AUTS2: variants seen among roughly 807,000 people sequenced by gnomAD.
AUTS2 encodes activator of transcription and developmental regulator AUTS2, also known as autism susceptibility gene 2 protein.
AUTS2 carries 17 observed loss-of-function variants against 112.4 expected under a neutral mutation model. The observed-to-expected ratio is 0.15, with a 90% CI of 0.10 to 0.23. The LOEUF (loss-of-function observed/expected upper bound fraction) is 0.23, where lower values mean the gene tolerates loss of function less well. AUTS2 is among the 10% of genes least tolerant of loss of function. The pLI, the probability that AUTS2 is intolerant of heterozygous loss-of-function variation, is 1.00. For synonymous variants in AUTS2, 751 were observed against 702.7 expected, an observed-to-expected ratio of 1.07 and a Z score of -1.09; for missense variants, 1,510 against 1,701.6, an observed-to-expected ratio of 0.89 and a Z score of 1.98.
intron 4 of AUTS2, among the ~76,000 whole-genome samples, chr7:70,241,993 G>C (rs1244788032): frequency 1.3e-5 from 2 of 152,152 alleles, no homozygotes; most frequent in Non-Finnish European, 2.9e-5. Flanking sequence ...AAAACAACCT[G>C]TTCAGTTTGG....
chr7:70,287,439 G>A (rs1446900156), intron 4 of AUTS2, among the ~76,000 whole-genome samples: 1 of 152,170 alleles, frequency 6.6e-6, no homozygotes, highest in East Asian at 1.9e-4. Context: ...AATGCCAGCT[G>A]AGCAAAAGCC....
chr7:70,697,325 G>C (rs1809171869), intron 5 of AUTS2, among the ~76,000 whole-genome samples: 1 of 152,064 alleles, frequency 6.6e-6, no homozygotes, highest in East Asian at 1.9e-4. Context: ...TTCTGGATTG[G>C]TTAATCATAT....
At chr7:70,636,739 T>G (rs539040383) in intron 5 of AUTS2, among the ~76,000 whole-genome samples, 1 of 151,814 alleles carries the variant, frequency 6.6e-6, no homozygotes, top group South Asian at 2.1e-4. Flanking sequence ...CTCAAACTCC[T>G]GGGCTCAAGG....
chr7:70,057,110 A>C (rs940192929), intron 2 of AUTS2, among the ~76,000 whole-genome samples: 3 of 152,092 alleles, frequency 2.0e-5, no homozygotes, highest in Non-Finnish European at 4.4e-5. Flanking sequence ...CTTTGGGCTG[A>C]TATTGTGGCT....
In AUTS2 at chr7:70,189,335, A is replaced by G. The variant is rs143955800; in HGVS notation, c.660+54764A>G. On this transcript the variant is annotated intron_variant, in intron 4 of 18. Coordinates refer to ENST00000342771, the MANE Select transcript of AUTS2 (RefSeq NM_015570.4). ...GTTTTTTTTACTGTGGATAAGCCCA[A>G]CTCCCTACTGTGGCATTGAATCTTG... Among the ~76,000 whole-genome samples, 218 of 152,296 alleles carry G rather than the reference A, an allele frequency of 1.4e-3. 1 individual carries two copies. Among genetic ancestry groups the G allele is most frequent in the Admixed American group, 2.7e-3 (42 of 15,300 alleles).
At position 70,694,732 on chromosome 7, in the gene AUTS2, C is replaced by A. The variant is rs1388665648; in HGVS notation, c.691-3837C>A. The A allele has an allele frequency of 3.4e-5, 5 of 148,310 alleles. No individual in the cohort carries two copies. Among genetic ancestry groups the A allele is most frequent in the Non-Finnish European group, 7.5e-5 (5 of 66,272 alleles). 9.2% of individuals were successfully genotyped at this position (148,310 alleles called of 1,614,324 possible). A position where few individuals can be genotyped will look rare whatever the true frequency, so the allele number is the denominator to read the frequency against. ...GAGACAGTGGCGAGCGCGGGCCGGGCGATCTCGGCGGGCGCGCTCCTCCCG... is the reference window on the plus strand; with the variant it reads ...GAGACAGTGGCGAGCGCGGGCCGGGAGATCTCGGCGGGCGCGCTCCTCCCG... On this transcript the variant is annotated intron_variant, in intron 5 of 18. Coordinates refer to ENST00000342771, the MANE Select transcript of AUTS2 (RefSeq NM_015570.4). The surrounding 1 kb of genome is among the most constrained non-coding windows in gnomAD (Gnocchi z 4.1).
chr7:69,891,506 GT>G (rs1055332422), intron 1 of AUTS2, among the ~76,000 whole-genome samples: 9 of 152,086 alleles, frequency 5.9e-5, no homozygotes, highest in African/African-American at 2.2e-4. Flanking sequence ...GAGTAGAACG[GT>G]TGGATCATAT....
intron 2 of AUTS2, among the ~76,000 whole-genome samples, chr7:69,978,170 T>C (rs933503056): frequency 3.3e-5 from 5 of 152,218 alleles, no homozygotes; most frequent in African/African-American, 1.2e-4. Flanking sequence ...AGTCACACTT[T>C]GCTATAGAGG....
At chr7:70,165,577 G>T (rs1393949043) in intron 4 of AUTS2, among the ~76,000 whole-genome samples, 1 of 152,002 alleles carries the variant, frequency 6.6e-6, no homozygotes, top group African/African-American at 2.4e-5. Flanking sequence ...AAAACGGAAA[G>T]TAAATTAAGT....
At position 70,790,003 on chromosome 7, in the gene AUTS2, G is replaced by T. The variant is rs748280767; in HGVS notation, c.2787G>T (p.Ala929=). 3 of 1,598,250 alleles carry T rather than the reference G, an allele frequency of 1.9e-6. No homozygotes were observed. Among genetic ancestry groups the T allele is most frequent in the Non-Finnish European group, 2.6e-6 (3 of 1,172,888 alleles). ...KDGHGHEGRA[A]GEEAKQLARV... ...GGCACGGCCACGAGGGGCGCGCCGC[G>T]GGCGAAGAGGCCAAGCAGCTGGCCC... The change falls in exon 19 of 19, where the codon GCG becomes GCT. Residue 929 remains alanine (A), a synonymous_variant. Coordinates refer to ENST00000342771, the MANE Select transcript of AUTS2 (RefSeq NM_015570.4). This position sits in a 1 kb window ranked among gnomAD's most constrained non-coding sequence, Gnocchi z 7.6.
chr7:69,788,955 ACAG>A (rs1789498525), intron 1 of AUTS2, among the ~76,000 whole-genome samples: 1 of 152,124 alleles, frequency 6.6e-6, no homozygotes, highest in Non-Finnish European at 1.5e-5. Flanking sequence ...TTTTCCAACA[ACAG>A]GAAACATATC....
At chr7:70,290,750 G>T (rs758094419) in intron 4 of AUTS2, 36 of 908,840 alleles carry the variant, frequency 4.0e-5, no homozygotes, top group Non-Finnish European at 5.1e-5. Context: ...AGCTATGACT[G>T]TAACGTTTCT....
intron 6 of AUTS2, among the ~76,000 whole-genome samples, chr7:70,743,032 AT>A (rs1788209391): frequency 6.6e-6 from 1 of 152,234 alleles, no homozygotes; most frequent in Non-Finnish European, 1.5e-5. Context: ...GCAAAATTGT[AT>A]CATAGAAGGA....
intron 4 of AUTS2, among the ~76,000 whole-genome samples, chr7:70,251,100 T>C (rs1786571071): frequency 6.6e-6 from 1 of 152,148 alleles, no homozygotes; most frequent in African/African-American, 2.4e-5. Flanking sequence ...AGTCTCACTC[T>C]GTCGCTTGGG....
intron 1 of AUTS2, among the ~76,000 whole-genome samples, chr7:69,669,172 C>T (rs578194462): frequency 6.6e-6 from 1 of 152,124 alleles, no homozygotes; most frequent in Non-Finnish European, 1.5e-5. Context: ...TCAAAAATAC[C>T]TAAATAGCAC....
intron 1 of AUTS2, among the ~76,000 whole-genome samples, chr7:69,666,342 A>G (rs1256223085): frequency 6.6e-6 from 1 of 152,202 alleles, no homozygotes; most frequent in Non-Finnish European, 1.5e-5. Context: ...CTTACCCTGG[A>G]AATTCGAATC....
At chr7:70,129,753 G>A (rs527878977) in intron 3 of AUTS2, among the ~76,000 whole-genome samples, 5 of 152,290 alleles carry the variant, frequency 3.3e-5, no homozygotes, top group South Asian at 2.1e-4. Flanking sequence ...ACAACCTGAC[G>A]TGGGCATAAC....
intron 2 of AUTS2, among the ~76,000 whole-genome samples, chr7:70,026,716 T>C (rs957213218): frequency 6.6e-6 from 1 of 152,170 alleles, no homozygotes; most frequent in African/African-American, 2.4e-5. Flanking sequence ...TTGAAGGAAA[T>C]AGACATTAAT....
chr7:69,741,700 G>C (rs538396425), intron 1 of AUTS2, among the ~76,000 whole-genome samples: 5 of 147,502 alleles, frequency 3.4e-5, no homozygotes, highest in African/African-American at 5.0e-5. Flanking sequence ...GCAAAACCCT[G>C]TCTTAAAAAA....
Sources: gnomAD v4.1 joint callset for allele counts (sites outside exome capture counted in the v4.1 genomes callset) on GRCh38, gnomAD v4.1.1 for gene constraint, Gnocchi (gnomAD v3.1) non-coding constraint, MANE v1.5 for transcripts, NCBI Gene and HGNC (gene_info 2026-07-23, HGNC 2026-07-21) for gene names.